GLRA3: variants seen among roughly 807,000 people sequenced by gnomAD.
GLRA3 encodes glycine receptor subunit alpha-3.
Under a neutral mutation model 60.4 loss-of-function variants are expected in GLRA3, and 44 were observed. The observed-to-expected ratio is 0.73, with a 90% CI of 0.57 to 0.94. The LOEUF is 0.94. GLRA3 is among the 40% of genes least tolerant of loss of function. The probability of loss-of-function intolerance (pLI) is 0.00; values close to 1 mark genes in which losing one functional copy is unlikely to be tolerated. For synonymous variants in GLRA3, 223 were observed against 192.9 expected (o/e 1.16, Z -1.29); for missense variants, 508 against 564.6 (o/e 0.90, Z 1.02).
chr4:174,704,097 C>T (rs968954368), intron 5 of GLRA3, among the ~76,000 whole-genome samples: 7 of 113,092 alleles, frequency 6.2e-5, no homozygotes, highest in Admixed American at 9.4e-5. Context: ...GTGTTCGAGA[C>T]CAACCTGGGC....
At chr4:174,753,647 G>A (rs772943640) in intron 3 of GLRA3, among the ~76,000 whole-genome samples, 13 of 152,242 alleles carry the variant, frequency 8.5e-5, no homozygotes, top group Admixed American at 2.0e-4. Context: ...TCTATGTTAT[G>A]AGAGGTGGCC....
chr4:174,731,802 T>C lies in GLRA3; in HGVS notation c.268-3104A>G, dbSNP rs116941063. 2.8e-4 allele frequency among the ~76,000 whole-genome samples: 43 copies of C among 152,090 alleles called. No homozygotes were observed. The East Asian group carries it at 8.1e-3, about 29-fold the overall frequency. On this transcript the variant is annotated intron_variant, in intron 3 of 9. Coordinates refer to ENST00000274093, the MANE Select transcript of GLRA3 (RefSeq NM_006529.4). ...CTTTAAAATATTTCATACCAATAAT[T>C]GAGAAAAAGAGAAACAACTGAGTAG...
At chr4:174,657,385 G>T (rs1733251905) in intron 8 of GLRA3, among the ~76,000 whole-genome samples, 1 of 152,110 alleles carries the variant, frequency 6.6e-6, no homozygotes, top group South Asian at 2.1e-4. Flanking sequence ...GAATTTACAG[G>T]ACATGCTTGA....
At chr4:174,757,147 TTGGAAAA>T (rs1737750285) in intron 3 of GLRA3, among the ~76,000 whole-genome samples, 1 of 152,108 alleles carries the variant, frequency 6.6e-6, no homozygotes, top group Non-Finnish European at 1.5e-5. Flanking sequence ...ATACAAAAAA[TTGGAAAA>T]GTACTAGAAC....
At chr4:174,737,920 AT>A (rs1270227842) in intron 3 of GLRA3, among the ~76,000 whole-genome samples, 3 of 152,192 alleles carry the variant, frequency 2.0e-5, no homozygotes, top group African/African-American at 7.2e-5. Flanking sequence ...GAGGACTTTT[AT>A]GGCATACAAC....
At chr4:174,826,232 G>A (rs1382792927) in intron 1 of GLRA3, among the ~76,000 whole-genome samples, 3 of 152,020 alleles carry the variant, frequency 2.0e-5, no homozygotes, top group Non-Finnish European at 2.9e-5. Context: ...TCATATAATG[G>A]CATATGATAC....
At chr4:174,666,547 C>T (rs1433280160) in intron 7 of GLRA3, among the ~76,000 whole-genome samples, 1 of 151,764 alleles carries the variant, frequency 6.6e-6, no homozygotes, top group Non-Finnish European at 1.5e-5. Flanking sequence ...CAATAGAGTA[C>T]ACAAGCTAGG....
chr4:174,699,118 C>T (rs1381253226), intron 5 of GLRA3, among the ~76,000 whole-genome samples: 2 of 151,886 alleles, frequency 1.3e-5, no homozygotes, highest in Non-Finnish European at 2.9e-5. Context: ...CTGTCTCGGC[C>T]ACCTGAGCAA....
chr4:174,712,820 T>C (rs868198149), intron 5 of GLRA3: 12 of 152,062 alleles, frequency 7.9e-5, no homozygotes, highest in African/African-American at 2.4e-4. Context: ...AAGAAAAAAA[T>C]AGATACAAAT....
intron 9 of GLRA3, among the ~76,000 whole-genome samples, chr4:174,645,130 T>C (rs957110281): frequency 5.3e-5 from 8 of 152,086 alleles, no homozygotes; most frequent in Non-Finnish European, 8.8e-5. Context: ...TTGAAAATTA[T>C]GGGCTGGGCA....
chr4:174,716,066 G>A (rs775830632), intron 4 of GLRA3, among the ~76,000 whole-genome samples: 5 of 152,238 alleles, frequency 3.3e-5, no homozygotes, highest in Non-Finnish European at 5.9e-5. Flanking sequence ...AGTTCTAAAC[G>A]TGGAAAAGCA....
chr4:174,681,026 C>T (rs1329412605), intron 6 of GLRA3, among the ~76,000 whole-genome samples: 2 of 152,114 alleles, frequency 1.3e-5, no homozygotes, highest in African/African-American at 2.4e-5. Flanking sequence ...TGAATGAGGA[C>T]TCTATGAGAT....
chr4:174,814,910 C>A, intron 1 of GLRA3, among the ~76,000 whole-genome samples: 1 of 152,134 alleles, frequency 6.6e-6, no homozygotes, highest in South Asian at 2.1e-4. Context: ...ACCAATCATG[C>A]CTTCCCAAGA....
chr4:174,650,736 T>TA (rs1262841728), intron 9 of GLRA3, among the ~76,000 whole-genome samples: 1 of 152,140 alleles, frequency 6.6e-6, no homozygotes, highest in African/African-American at 2.4e-5. Context: ...CATGTCCATG[T>TA]AAAAAAATTC....
chr4:174,712,392 T>A (rs1417399546), intron 5 of GLRA3: 1 of 152,092 alleles, frequency 6.6e-6, no homozygotes, highest in East Asian at 1.9e-4. Flanking sequence ...AACAGAGACT[T>A]TTTTGCTTTA....
At chr4:174,816,402 T>A (rs1740501616) in intron 1 of GLRA3, among the ~76,000 whole-genome samples, 1 of 152,174 alleles carries the variant, frequency 6.6e-6, no homozygotes. Context: ...CCATCAAATC[T>A]CACCTATTTC....
chr4:174,703,273 C>A (rs1225080254), intron 5 of GLRA3, among the ~76,000 whole-genome samples: 1 of 152,090 alleles, frequency 6.6e-6, no homozygotes, highest in Non-Finnish European at 1.5e-5. Context: ...AACTTGGCTG[C>A]CCTAGAGGTA....
At chr4:174,692,530 G>A (rs367730470) in intron 5 of GLRA3, among the ~76,000 whole-genome samples, 2 of 150,098 alleles carry the variant, frequency 1.3e-5, no homozygotes, top group Admixed American at 6.6e-5. Context: ...TTGAGAAATC[G>A]GATGGTTGCC....
rs574071816 is a variant in GLRA3, at chr4:174,642,398, A to C, written c.*1388T>G. The C allele has an allele frequency of 1.5e-4, 149 of 965,598 alleles. No individual in the cohort carries two copies. The African/African-American group carries it at 2.3e-3, about 15-fold the overall frequency. 59.8% of individuals were successfully genotyped at this position (965,598 alleles called of 1,614,324 possible). A position where few individuals can be genotyped will look rare whatever the true frequency, so the allele number is the denominator to read the frequency against. On this transcript the variant is annotated 3_prime_UTR_variant, in exon 10 of 10. Coordinates refer to ENST00000274093, the MANE Select transcript of GLRA3 (RefSeq NM_006529.4). The stretch of plus-strand genomic sequence containing the variant: ...AGTTTGTGCATCTGACCAATAATTA[A>C]AATACCTAAAAAGCATTCCAAAGCT...
Sources: allele counts gnomAD v4.1 joint callset (sites outside exome capture counted in the v4.1 genomes callset), GRCh38; gene constraint gnomAD v4.1.1; transcripts MANE v1.5; gene names NCBI Gene and HGNC (gene_info 2026-07-23, HGNC 2026-07-21).